Variants in QTGAL observed in about 807,000 individuals in gnomAD.
QTGAL encodes BGnT-like protein 1.
chr17:83,028,123 C>A, the QTGAL span, among the ~76,000 whole-genome samples: 45 of 151,852 alleles, frequency 3.0e-4, no homozygotes, highest in African/African-American at 1.1e-3. Flanking sequence ...TCAGAACGAC[C>A]TGCACGCTCC....
chr17:83,028,090 G>A, the QTGAL span, among the ~76,000 whole-genome samples: 2 of 152,258 alleles, frequency 1.3e-5, no homozygotes, highest in East Asian at 3.9e-4. Flanking sequence ...CAGCCTGAGC[G>A]ACAGAGTAAA....
chr17:82,995,263 T>C, the QTGAL span, among the ~76,000 whole-genome samples: 1 of 152,168 alleles, frequency 6.6e-6, no homozygotes, highest in African/African-American at 2.4e-5. Context: ...TTGCAGATGA[T>C]ATAATCTTAT....
the QTGAL span, among the ~76,000 whole-genome samples, chr17:82,972,833 T>C: frequency 0.013 from 1,241 of 96,314 alleles, 37 homozygotes; most frequent in African/African-American, 0.05. Flanking sequence ...TAGAAGGACC[T>C]GGTGCCGACC....
At chr17:83,051,653 G>T in the QTGAL span, 1 of 1,286,968 alleles carries the variant, frequency 7.8e-7, no homozygotes, top group African/African-American at 1.6e-5. Context: ...TGCGAACCCC[G>T]GAGCGAGAGA....
At chr17:83,009,582 C>T in the QTGAL span, among the ~76,000 whole-genome samples, 1 of 152,204 alleles carries the variant, frequency 6.6e-6, no homozygotes, top group Non-Finnish European at 1.5e-5. Flanking sequence ...GGGGCTGCAG[C>T]TCAGACTCCC....
the QTGAL span, chr17:83,005,892 C>A: frequency 7.3e-7 from 1 of 1,365,896 alleles, no homozygotes; most frequent in Non-Finnish European, 9.4e-7. The surrounding 1 kb of genome is among the most constrained non-coding windows in gnomAD (Gnocchi z 5.6). Flanking sequence ...ACCTCTGCCC[C>A]GGAGTGGGCT....
chr17:82,989,805 G>T, the QTGAL span, among the ~76,000 whole-genome samples: 4 of 151,948 alleles, frequency 2.6e-5, no homozygotes, highest in Non-Finnish European at 4.4e-5. Context: ...ATTTAAAATA[G>T]AAAAAACAAA....
chr17:83,048,584 A>G, the QTGAL span: 1 of 1,610,812 alleles, frequency 6.2e-7, no homozygotes, highest in South Asian at 1.1e-5. Context: ...AAAGCAGAAC[A>G]CTGGCAGGTC....
At chr17:82,981,748 A>G in the QTGAL span, 1 of 152,220 alleles carries the variant, frequency 6.6e-6, no homozygotes, top group Non-Finnish European at 1.5e-5. Context: ...ACTTTGCCTC[A>G]GCATCTTTCT....
At chr17:82,958,956 ATG>A in the QTGAL span, among the ~76,000 whole-genome samples, 45 of 50,012 alleles carry the variant, frequency 9.0e-4, 2 homozygotes, top group African/African-American at 4.1e-3. Flanking sequence ...GTGGGGGTGT[ATG>A]TGTGTGTGTG....
At chr17:82,948,606 C>T in the QTGAL span, 475 of 152,364 alleles carry the variant, frequency 3.1e-3, 2 homozygotes, top group African/African-American at 0.011. Flanking sequence ...ATTCTGCTCA[C>T]ATGAACTACA....
At chr17:82,974,015 G>A in the QTGAL span, among the ~76,000 whole-genome samples, 16 of 152,254 alleles carry the variant, frequency 1.1e-4, no homozygotes, top group African/African-American at 3.6e-4. Flanking sequence ...TTTCACCGTG[G>A]GTCGAGAGGG....
chr17:82,964,024 A>AGGTGGG, the QTGAL span, among the ~76,000 whole-genome samples: 1 of 118,492 alleles, frequency 8.4e-6, no homozygotes, highest in African/African-American at 3.8e-5. Context: ...TGGAAGGCTG[A>AGGTGGG]GGTCGGGGGG....
At chr17:83,048,158 T>C in the QTGAL span, among the ~76,000 whole-genome samples, 3 of 152,028 alleles carry the variant, frequency 2.0e-5, no homozygotes, top group Admixed American at 6.6e-5. Context: ...TCCCAAGTAG[T>C]TGGGATTACA....
the QTGAL span, among the ~76,000 whole-genome samples, chr17:83,012,629 G>A: frequency 2.0e-5 from 3 of 152,172 alleles, no homozygotes; most frequent in African/African-American, 7.2e-5. Flanking sequence ...AAAGGGAGCC[G>A]TTGGGCAGCT....
the QTGAL span, among the ~76,000 whole-genome samples, chr17:82,995,510 G>A: frequency 6.6e-6 from 1 of 151,804 alleles, no homozygotes; most frequent in Admixed American, 6.6e-5. Context: ...AGCCTCCCAA[G>A]TAGCTGGGAT....
the QTGAL span, among the ~76,000 whole-genome samples, chr17:83,002,270 G>A: frequency 4.6e-5 from 7 of 152,180 alleles, no homozygotes; most frequent in Non-Finnish European, 8.8e-5. Flanking sequence ...CGGGGAACCC[G>A]CTCTCGGTGA....
chr17:82,952,022 G>A, the QTGAL span, among the ~76,000 whole-genome samples: 2 of 152,198 alleles, frequency 1.3e-5, no homozygotes, highest in Non-Finnish European at 2.9e-5. Context: ...GGCACTGATG[G>A]GGTTGCTCTC....
the QTGAL span, among the ~76,000 whole-genome samples, chr17:83,034,708 T>A: frequency 1.3e-5 from 2 of 152,180 alleles, no homozygotes; most frequent in African/African-American, 4.8e-5. Flanking sequence ...CTAGTGATAG[T>A]GGGTGAGTCT....
Sources: allele counts gnomAD v4.1 joint callset (sites outside exome capture counted in the v4.1 genomes callset), GRCh38; gene constraint gnomAD v4.1.1; non-coding constraint Gnocchi (gnomAD v3.1); transcripts MANE v1.5; gene names NCBI Gene and HGNC (gene_info 2026-07-23, HGNC 2026-07-21).